Variants in XAF1 observed in about 807,000 individuals in gnomAD.
XAF1 encodes XIAP associated factor 1, also known as XIAP-associated factor 1.
XAF1 carries 32 observed loss-of-function variants against 32.3 expected under a neutral mutation model. The ratio of observed to expected loss-of-function variants is 0.99; its 90% CI spans 0.75 to 1.33. The LOEUF is 1.33. XAF1 is among the 40% of genes most tolerant of loss of function. The pLI is 0.00. For missense variants in XAF1, 379 were observed against 366.0 expected, an observed-to-expected ratio of 1.04 and a Z score of -0.29; for synonymous variants, 120 against 125.9, an observed-to-expected ratio of 0.95 and a Z score of 0.31.
intron 6 of XAF1, chr17:6,772,758 A>C (rs2151564897): frequency 5.2e-6 from 1 of 191,810 alleles, no homozygotes; most frequent in East Asian, 1.6e-4. Flanking sequence ...GGCATGAGCC[A>C]CCACGCCCAG....
intron 3 of XAF1, chr17:6,760,007 A>G (rs1975051861): frequency 3.6e-6 from 2 of 556,248 alleles, no homozygotes; most frequent in South Asian, 4.2e-5. Context: ...TATTGGCCCT[A>G]ATTCCCTAGG....
rs745607703 is a variant in XAF1 at position 6,773,179 on chromosome 17, A to G, written c.*10A>G. The G allele has an allele frequency of 1.0e-5, 16 of 1,602,558 alleles. No homozygotes were observed. Among genetic ancestry groups the G allele is most frequent in the Non-Finnish European group, 1.3e-5 (15 of 1,176,014 alleles). ...GAGAAATTTCAGCTAGATTTGGAAA[A>G]GGAAAGGTACTACAAATTCAAAAGA... is the stretch of plus-strand genomic sequence containing the variant. On this transcript the variant is annotated 3_prime_UTR_variant, in exon 7 of 7. Transcript: ENST00000361842.
At chr17:6,755,984 C>T, upstream of XAF1, 1 of 1,606,752 alleles carries the variant, frequency 6.2e-7, no homozygotes, top group East Asian at 2.2e-5. Flanking sequence ...CTCCTCCCTC[C>T]CTGAAGCTGT....
chr17:6,770,694 C>G lies in XAF1; in HGVS notation c.559C>G (p.Pro187Ala). 6.2e-7 allele frequency: 1 copy of G among 1,610,026 alleles called. No individual in the cohort carries two copies. Among genetic ancestry groups the G allele is most frequent in the Non-Finnish European group, 8.5e-7 (1 of 1,178,972 alleles). ...EFKKHFPVGNPEILPSSLPSQ... is the reference protein window; with the variant it reads ...EFKKHFPVGNAEILPSSLPSQ... ...TAAGAAACACTTTCCTGTTGGAAAT[C>G]CAGAAATTCTTCCTTCATCTCTTCC... is the stretch of plus-strand genomic sequence containing the variant. The change falls in exon 6 of 7, where the codon CCA (proline) becomes GCA (alanine). Residue 187 changes from proline to alanine, a missense_variant. Coordinates refer to ENST00000361842, the MANE Select transcript of XAF1 (RefSeq NM_017523.5).
chr17:6,761,165 G>C (rs1392103077), intron 4 of XAF1, among the ~76,000 whole-genome samples: 1 of 150,104 alleles, frequency 6.7e-6, no homozygotes, highest in African/African-American at 2.5e-5. Flanking sequence ...AAAAAAAAAA[G>C]GGGGGGACCA....
chr17:6,762,376 T>C (rs905787829), intron 5 of XAF1, 136 bp downstream of exon 5: 16 of 807,172 alleles, frequency 2.0e-5, no homozygotes, highest in Non-Finnish European at 2.5e-5. Flanking sequence ...TTTTTTGCTT[T>C]GTTCCAAAAG....
chr17:6,771,796 A>G (rs75561993), intron 6 of XAF1: 2 of 152,342 alleles, frequency 1.3e-5, no homozygotes, highest in African/African-American at 4.8e-5. Flanking sequence ...AGTTGATATA[A>G]TATCATATAA....
At chr17:6,759,401 C>T (rs1181004679) in intron 2 of XAF1, 3 of 1,373,232 alleles carry the variant, frequency 2.2e-6, no homozygotes, top group South Asian at 1.9e-5. Context: ...ATGTCCATTC[C>T]TCCTGGGGCC....
chr17:6,765,241 G>A (rs114018578), intron 5 of XAF1, among the ~76,000 whole-genome samples: 9 of 151,928 alleles, frequency 5.9e-5, no homozygotes, highest in Admixed American at 2.0e-4. Context: ...GTGAACTCTC[G>A]TCTCTACTAA....
intron 6 of XAF1, chr17:6,771,277 C>G (rs1285443060): frequency 3.2e-6 from 1 of 313,342 alleles, no homozygotes; most frequent in Admixed American, 4.6e-5. Context: ...TTTGGAGCAA[C>G]TGCTTCAAAA....
chr17:6,763,885 T>C (rs1975401845), intron 5 of XAF1, among the ~76,000 whole-genome samples: 1 of 152,194 alleles, frequency 6.6e-6, no homozygotes, highest in Non-Finnish European at 1.5e-5. Context: ...CCTACTGACT[T>C]GTTTTCCTTA....
chr17:6,756,276 G>A (rs1165886854), intron 1 of XAF1, 166 bp downstream of exon 1: 3 of 835,212 alleles, frequency 3.6e-6, no homozygotes, highest in Admixed American at 3.3e-5. Flanking sequence ...TTTAAACTTG[G>A]TAATCTCTGG....
intron 3 of XAF1, 46 bp downstream of exon 3, chr17:6,759,764 C>A: frequency 6.2e-7 from 1 of 1,613,688 alleles, no homozygotes; most frequent in Non-Finnish European, 8.5e-7. Flanking sequence ...ATAGACCAAC[C>A]TGAGAAAAGG....
chr17:6,765,279 G>C (rs1975519494), intron 5 of XAF1, among the ~76,000 whole-genome samples: 2 of 152,116 alleles, frequency 1.3e-5, no homozygotes, highest in South Asian at 2.1e-4. Context: ...CGGGTGTGGT[G>C]GTGGGTGACT....
intron 5 of XAF1, among the ~76,000 whole-genome samples, chr17:6,762,679 G>A (rs146777219): frequency 6.1e-4 from 93 of 152,338 alleles, no homozygotes; most frequent in Non-Finnish European, 1.1e-3. Flanking sequence ...CTGTAGAGGC[G>A]CAGTTACGTG....
chr17:6,759,955 G>A lies in XAF1; in HGVS notation c.225+237G>A, dbSNP rs983504172. ...GAGTCCATCAGAGCTCAGATCCCCC[G>A]AAGGCAGTCCCGCACTCTGGCCCTT... is the stretch of plus-strand genomic sequence containing the variant. On this transcript the variant is annotated intron_variant, in intron 3 of 6. Transcript: ENST00000361842. The A allele has an allele frequency of 5.7e-5, 39 of 681,962 alleles. No individual in the cohort carries two copies. The East Asian group carries it at 6.4e-4, about 11-fold the overall frequency. 42.2% of individuals were successfully genotyped at this position (681,962 alleles called of 1,614,324 possible). A position where few individuals can be genotyped will look rare whatever the true frequency, so the allele number is the denominator to read the frequency against.
Position 6,770,716 on chromosome 17 carries a change from T to C in XAF1, c.581T>C (p.Leu194Pro). The C allele has an allele frequency of 6.2e-7, 1 of 1,613,816 alleles. No homozygotes were observed. The highest frequency in any genetic ancestry group is 1.3e-5 in the African/African-American group (1 of 75,034). ...AATCCAGAAATTCTTCCTTCATCTC[T>C]TCCAAGTCAAGCTGCTGAAAATCAA... Reference protein sequence around the residue: ...VGNPEILPSSLPSQAAENQTS... With the variant: ...VGNPEILPSSPPSQAAENQTS... Residue 194 changes from leucine to proline, a missense_variant, in exon 6 of 7, where the codon CTT becomes CCT. Physicochemically the swap from Leu to Pro is moderately conservative, Grantham distance 98. Coordinates refer to ENST00000361842, the MANE Select transcript of XAF1 (RefSeq NM_017523.5).
At position 6,759,699 on chromosome 17, in the gene XAF1, C is replaced by A. The variant is rs114531225; in HGVS notation, c.206C>A (p.Ser69Tyr). ...CTMCQQSMQK[S>Y]SLEFHKANEC... is the part of the protein sequence containing the mutation. ...ATGTGTCAGCAGAGCATGCAGAAGT[C>A]CTCGCTGGAGTTTCATAAGGTAAGA... The change falls in exon 3 of 7, where the codon TCC becomes TAC. Residue 69 changes from serine (S) to tyrosine (Y), a missense_variant. By Grantham distance (144) the Ser-to-Tyr change is moderately radical. Transcript: ENST00000361842. The A allele has an allele frequency of 9.3e-4, 1,499 of 1,613,790 alleles. 15 individuals carry two copies. In the African/African-American group the frequency reaches 0.018, roughly 19 times the overall value.
chr17:6,756,637 G>A (rs1974695175), intron 1 of XAF1, among the ~76,000 whole-genome samples: 1 of 152,178 alleles, frequency 6.6e-6, no homozygotes, highest in Non-Finnish European at 1.5e-5. Context: ...CTCCCTACCT[G>A]TGACAGGGAC....
Sources: gnomAD v4.1 joint callset for allele counts (sites outside exome capture counted in the v4.1 genomes callset) on GRCh38, gnomAD v4.1.1 for gene constraint, MANE v1.5 for transcripts, NCBI Gene and HGNC (gene_info 2026-07-23, HGNC 2026-07-21) for gene names.